Variants in IFT140 observed in about 807,000 individuals in gnomAD.
IFT140 encodes the protein intraflagellar transport protein 140 homolog.
A neutral mutation model predicts 164.6 loss-of-function variants in IFT140; 133 were observed. That is an observed-to-expected ratio of 0.81 (90% confidence interval 0.70 to 0.93). The LOEUF is 0.93. Among genes scored for constraint, IFT140 ranks in the 40% least tolerant of loss-of-function variants. The pLI is 0.00. For synonymous variants in IFT140, 860 were observed against 817.3 expected, an observed-to-expected ratio of 1.05 and a Z score of -0.89; for missense variants, 2,045 against 1,972.3, an observed-to-expected ratio of 1.04 and a Z score of -0.70.
At chr16:1,585,738 G>T (rs2034834098) in intron 10 of IFT140, among the ~76,000 whole-genome samples, 1 of 148,464 alleles carries the variant, frequency 6.7e-6, no homozygotes, top group Non-Finnish European at 1.5e-5. Context: ...ATAAAAATAG[G>T]TTCAGAGTCA....
At chr16:1,591,101 A>C (rs1249782327) in intron 6 of IFT140, among the ~76,000 whole-genome samples, 1 of 151,932 alleles carries the variant, frequency 6.6e-6, no homozygotes, top group Admixed American at 6.6e-5. Flanking sequence ...ACAGCGATGA[A>C]CTCACCCACA....
At chr16:1,611,415 C>G (rs2036313718) in intron 1 of IFT140, among the ~76,000 whole-genome samples, 1 of 150,028 alleles carries the variant, frequency 6.7e-6, no homozygotes, top group African/African-American at 2.5e-5. Context: ...GGAGAATCGC[C>G]TGAGCCCCGG....
intron 22 of IFT140, 79 bp downstream of exon 22, chr16:1,525,152 G>A: frequency 7.8e-7 from 1 of 1,282,730 alleles, no homozygotes; most frequent in Non-Finnish European, 1.1e-6. Context: ...GGGAAAGGGA[G>A]CCGTCTCAGC....
intron 13 of IFT140, chr16:1,578,178 C>G (rs916962304): frequency 6.6e-6 from 1 of 152,106 alleles, no homozygotes; most frequent in Non-Finnish European, 1.5e-5. Flanking sequence ...AGAAGTCCTA[C>G]ACAGAGGGGC....
intron 26 of IFT140, among the ~76,000 whole-genome samples, chr16:1,522,675 C>T (rs576189806): frequency 1.4e-3 from 209 of 152,234 alleles, no homozygotes; most frequent in Non-Finnish European, 2.0e-3. Context: ...CCCATCTCTA[C>T]TAAAATACAA....
At chr16:1,592,144 G>A (rs753439024) in intron 6 of IFT140, 32 bp downstream of exon 6, 5 of 1,612,960 alleles carry the variant, frequency 3.1e-6, no homozygotes, top group Non-Finnish European at 4.2e-6. Context: ...AAAATGCTAG[G>A]ACCCCTGAGA....
intron 20 of IFT140, chr16:1,526,299 G>GCCCCCCTCCCACAGC: frequency 9.7e-6 from 5 of 515,810 alleles, no homozygotes; most frequent in Admixed American, 7.3e-5. Flanking sequence ...ACCTCCCACA[G>GCCCCCCTCCCACAGC]CCCCCCTCCC....
At chr16:1,518,149 C>G in intron 30 of IFT140, 67 bp downstream of exon 30, 3 of 1,528,348 alleles carry the variant, frequency 2.0e-6, no homozygotes, top group Non-Finnish European at 2.7e-6. Flanking sequence ...CAGTTTGAGC[C>G]GTTAAGCCTT....
chr16:1,526,313 G>GC (rs1236825270), intron 20 of IFT140: 8 of 303,538 alleles, frequency 2.6e-5, no homozygotes, highest in Middle Eastern at 9.7e-4. Flanking sequence ...CCCTCCCACA[G>GC]CCCCCCCTCC....
rs575071940 is a variant in IFT140, at chr16:1,555,326, G to A, written c.2399+2609C>T. ...AGCTGAGACACAGGTTAGGTGGCGCGAGGCTGCCCTGCGCTCCGCTTTGCT... is the reference window on the plus strand; with the variant it reads ...AGCTGAGACACAGGTTAGGTGGCGCAAGGCTGCCCTGCGCTCCGCTTTGCT... On this transcript the variant is annotated intron_variant, in intron 19 of 30. Coordinates refer to ENST00000426508, the MANE Select transcript of IFT140 (RefSeq NM_014714.4). The A allele has an allele frequency of 4.8e-5, 19 of 395,088 alleles. 1 individual carries two copies. Among genetic ancestry groups the A allele is most frequent in the South Asian group, 4.7e-4 (14 of 29,982 alleles). 24.5% of individuals were successfully genotyped at this position (395,088 alleles called of 1,614,324 possible). A position where few individuals can be genotyped will look rare whatever the true frequency, so the allele number is the denominator to read the frequency against.
intron 11 of IFT140, 70 bp from the exon 12 acceptor site, chr16:1,583,456 C>T: frequency 1.5e-6 from 2 of 1,299,318 alleles, no homozygotes; most frequent in Non-Finnish European, 2.2e-6. Flanking sequence ...CCCCACTGCA[C>T]ACCTCGAAAG....
chr16:1,536,267 G>A (rs923580905), intron 19 of IFT140, among the ~76,000 whole-genome samples: 11 of 152,184 alleles, frequency 7.2e-5, no homozygotes, highest in Non-Finnish European at 1.0e-4. Flanking sequence ...ACAGGGCCGC[G>A]TGTAGCCTCT....
chr16:1,553,699 C>A lies in IFT140; in HGVS notation c.2399+4236G>T. On this transcript the variant is annotated intron_variant, in intron 19 of 30. Transcript: ENST00000426508. The surrounding 1 kb of genome is among the most constrained non-coding windows in gnomAD (Gnocchi z 4.4). ...CTGGGGCTGAAGGCTGGCTGGAGGC[C>A]CCATGGCCTCCAGGACAATCTGTGG... 1 of 1,076,170 alleles carries A rather than the reference C, an allele frequency of 9.3e-7. No individual in the cohort carries two copies. The highest frequency in any genetic ancestry group is 1.1e-6 in the Non-Finnish European group (1 of 880,624). The allele number at this position is 1,076,170 out of a possible 1,614,324, so 66.7% of individuals were successfully genotyped here. A position where few individuals can be genotyped will look rare whatever the true frequency, so the allele number is the denominator to read the frequency against.
At chr16:1,546,410 C>G (rs181441201) in intron 19 of IFT140, among the ~76,000 whole-genome samples, 217 of 152,320 alleles carry the variant, frequency 1.4e-3, no homozygotes, top group African/African-American at 5.0e-3. Flanking sequence ...GGCTCTGCCC[C>G]TGGTCAGCTG....
At chr16:1,574,738 C>A (rs541202069) in intron 13 of IFT140, among the ~76,000 whole-genome samples, 1 of 151,866 alleles carries the variant, frequency 6.6e-6, no homozygotes, top group East Asian at 1.9e-4. Context: ...TATCCCACCC[C>A]CTTCCATGGC....
rs1455870395 is a variant in IFT140 at position 1,528,414 on chromosome 16, C to T, written c.2400-1618G>A. Among the ~76,000 whole-genome samples the T allele has an allele frequency of 8.2e-5, 11 of 134,544 alleles. No individual in the cohort carries two copies. The East Asian group carries it at 1.1e-3, about 14-fold the overall frequency. 88.3% of individuals were successfully genotyped at this position (134,544 alleles called of 152,430 possible). ...ACACACACGGATGCACACACATGGA[C>T]GCACATGCACACACAGATGCACACA... On this transcript the variant is annotated intron_variant, in intron 19 of 30. Transcript: ENST00000426508.
intron 19 of IFT140, among the ~76,000 whole-genome samples, chr16:1,539,537 AC>A (rs1431245416): frequency 6.6e-6 from 1 of 152,024 alleles, no homozygotes; most frequent in Non-Finnish European, 1.5e-5. Context: ...CCGTACGGGA[AC>A]CCCTTGGCCA....
Position 1,520,291 on chromosome 16 carries a change from G to A in IFT140, c.3713C>T (p.Ala1238Val), listed in dbSNP as rs757122561. The A allele has an allele frequency of 1.1e-5, 18 of 1,614,174 alleles. No individual in the cohort carries two copies. The highest frequency in any genetic ancestry group is 1.1e-4 in the South Asian group (10 of 91,088). The change falls in exon 28 of 31, where the codon GCG (alanine) becomes GTG (valine). Residue 1238 changes from alanine to valine, a missense_variant. Transcript: ENST00000426508. ...GATTTCCTTCTGCCTGGACACGCTC[G>A]CGAAGAACGTGATTTTCTCCGTGTC... ...SGDTEKITFF[A>V]SVSRQKEIYI...
At chr16:1,520,542 G>C (rs2040491723) in intron 27 of IFT140, 60 bp downstream of exon 27, 3 of 1,490,434 alleles carry the variant, frequency 2.0e-6, no homozygotes, top group South Asian at 1.3e-5. Context: ...GATGCGTGCA[G>C]GGGGCCCGCA....
Sources: allele counts gnomAD v4.1 joint callset (sites outside exome capture counted in the v4.1 genomes callset), GRCh38; gene constraint gnomAD v4.1.1; non-coding constraint Gnocchi (gnomAD v3.1); transcripts MANE v1.5; gene names NCBI Gene and HGNC (gene_info 2026-07-23, HGNC 2026-07-21).